LITAF: variants seen among roughly 807,000 people sequenced by gnomAD.
The protein encoded by LITAF is lipopolysaccharide-induced tumor necrosis factor-alpha factor.
LITAF carries 9 observed loss-of-function variants against 14.5 expected under a neutral mutation model. The observed-to-expected ratio is 0.62, with a 90% CI of 0.37 to 1.08. The LOEUF (loss-of-function observed/expected upper bound fraction) is 1.08, where lower values mean the gene tolerates loss of function less well. Ranked by LOEUF, LITAF falls within the 50% of genes least tolerant of loss-of-function variation. The pLI is 0.01. For synonymous variants in LITAF, 98 were observed against 88.2 expected (o/e 1.11, Z -0.62); for missense variants, 206 against 213.4 (o/e 0.97, Z 0.22).
rs760141560 is a variant in LITAF, at chr16:11,549,606, G to T, written c.*31C>A. On this transcript the variant is annotated 3_prime_UTR_variant, in exon 4 of 4. Transcript: ENST00000622633. The surrounding 1 kb of genome is among the most constrained non-coding windows in gnomAD (Gnocchi z 4.6). ...TGAGAGGTGGAAAGGACTTCCTGCG[G>T]CACCCGGCTCCCTCCACGTCTGGCT... 1.3e-6 allele frequency: 2 copies of T among 1,541,524 alleles called. No individual in the cohort carries two copies. The highest frequency in any genetic ancestry group is 1.4e-5 in the African/African-American group (1 of 73,490).
intron 3 of LITAF, among the ~76,000 whole-genome samples, chr16:11,612,143 A>G (rs2064986151): frequency 6.6e-6 from 1 of 152,322 alleles, no homozygotes; most frequent in East Asian, 1.9e-4. Flanking sequence ...GGGTGGAAAC[A>G]GGGTCTCAAA....
intron 3 of LITAF, among the ~76,000 whole-genome samples, chr16:11,625,351 C>G (rs1306697954): frequency 6.6e-6 from 1 of 151,884 alleles, no homozygotes; most frequent in Non-Finnish European, 1.5e-5. Context: ...CAGCCTCTGC[C>G]TCCTAGGCTT....
chr16:11,549,547 C>T lies in LITAF; in HGVS notation c.*90G>A, dbSNP rs1375321880. 2 of 979,944 alleles carry T rather than the reference C, an allele frequency of 2.0e-6. No individual in the cohort carries two copies. Among genetic ancestry groups the T allele is most frequent in the Non-Finnish European group, 1.6e-6 (1 of 626,378 alleles). The allele number at this position is 979,944 out of a possible 1,614,324, so 60.7% of individuals were successfully genotyped here. ...TGGGCCCCCTGGAGAGGTGAGACCA[C>T]CAGGGCAGAACCTCCACCAGGCGTG... On this transcript the variant is annotated 3_prime_UTR_variant, in exon 4 of 4. Coordinates refer to ENST00000622633, the MANE Select transcript of LITAF (RefSeq NM_001136472.2). The surrounding 1 kb of genome is among the most constrained non-coding windows in gnomAD (Gnocchi z 4.6).
chr16:11,548,178 T>G lies in LITAF; in HGVS notation c.*1459A>C, dbSNP rs1385035956. 2 of 454,124 alleles carry G rather than the reference T, an allele frequency of 4.4e-6. No homozygotes were observed. Among genetic ancestry groups the G allele is most frequent in the East Asian group, 1.4e-4 (2 of 14,404 alleles). 28.1% of individuals were successfully genotyped at this position (454,124 alleles called of 1,614,324 possible). On this transcript the variant is annotated 3_prime_UTR_variant, in exon 4 of 4. Transcript: ENST00000622633. ...ACAGATGTTCGCTCAAGGTCTAGGT[T>G]TTATTTCTACATAGTAGTATTCACA...
upstream of LITAF, among the ~76,000 whole-genome samples, chr16:11,638,188 C>T (rs2065150948): frequency 6.8e-6 from 1 of 147,050 alleles, no homozygotes; most frequent in Non-Finnish European, 1.5e-5. Context: ...AACCTGAGTA[C>T]ATCACATCAC....
chr16:11,608,696 C>T (rs1300282635), intron 3 of LITAF, among the ~76,000 whole-genome samples: 4 of 152,200 alleles, frequency 2.6e-5, no homozygotes, highest in African/African-American at 9.7e-5. Context: ...GGCGCAGTGG[C>T]TCATGCCTAT....
At position 11,556,752 on chromosome 16, in the gene LITAF, A is replaced by C. The variant is rs781052514; in HGVS notation, c.-5-17T>G. 1.1e-5 allele frequency: 17 copies of C among 1,596,786 alleles called. No homozygotes were observed. In the East Asian group the frequency reaches 2.9e-4, roughly 27 times the overall value. ...ACATTTTACCTAAAACAGAAACAGAACATACCAGATAAGAAATTCAGTTGA... is the reference window on the plus strand; with the variant it reads ...ACATTTTACCTAAAACAGAAACAGACCATACCAGATAAGAAATTCAGTTGA... On this transcript the variant is annotated splice_polypyrimidine_tract_variant and intron_variant, in intron 1 of 3. Transcript: ENST00000622633.
upstream of LITAF, among the ~76,000 whole-genome samples, chr16:11,600,850 C>A (rs576776393): frequency 1.3e-5 from 2 of 152,170 alleles, no homozygotes; most frequent in Non-Finnish European, 2.9e-5. The surrounding 1 kb of genome is among the most constrained non-coding windows in gnomAD (Gnocchi z 4.1). Flanking sequence ...CCACCCTCCT[C>A]CTCCAATGTC....
At chr16:11,625,301 C>T (rs2065077282) in intron 3 of LITAF, among the ~76,000 whole-genome samples, 1 of 148,408 alleles carries the variant, frequency 6.7e-6, no homozygotes, top group Non-Finnish European at 1.5e-5. Context: ...CTCGCTCTGT[C>T]ACCCAGGCTG....
rs889771169 is a variant in LITAF at position 11,632,485 on chromosome 16, C to T, written c.85+1048G>A. 3.9e-5 allele frequency among the ~76,000 whole-genome samples: 6 copies of T among 152,334 alleles called. No individual in the cohort carries two copies. The highest frequency in any genetic ancestry group is 1.4e-4 in the African/African-American group (6 of 41,584). On this transcript the variant is annotated intron_variant, in intron 3 of 3. Coordinates refer to the LITAF transcript ENST00000574848. The surrounding 1 kb of genome is among the most constrained non-coding windows in gnomAD (Gnocchi z 4.8). ...CAAAGGAGGAAGCAACCCAGGGAAG[C>T]TCCCGCAGGTCCCAGCTCAGAACTA...
chr16:11,633,452 G>T (rs1176702257), intron 3 of LITAF: 3 of 152,202 alleles, frequency 2.0e-5, no homozygotes, highest in African/African-American at 7.2e-5. Flanking sequence ...CACGGGATGA[G>T]ATAAAAGGTC....
In LITAF at chr16:11,554,000, G is replaced by A. The variant is rs1353592874; in HGVS notation, c.221-311C>T. Among the ~76,000 whole-genome samples, 1 of 152,174 alleles carries A rather than the reference G, an allele frequency of 6.6e-6. No homozygotes were observed. On this transcript the variant is annotated intron_variant, in intron 2 of 3. Coordinates refer to ENST00000622633, the MANE Select transcript of LITAF (RefSeq NM_001136472.2). This position sits in a 1 kb window ranked among gnomAD's most constrained non-coding sequence, Gnocchi z 7.7. ...AATCCCAACACTTTGGGAGGCCGAG[G>A]TGGGAGGACTGCTTGAGCCTAGGAG...
rs1441715962 is a variant in LITAF, at chr16:11,614,519, C to T, written c.85+19014G>A. Among the ~76,000 whole-genome samples, 4 of 152,020 alleles carry T rather than the reference C, an allele frequency of 2.6e-5. No homozygotes were observed. In the East Asian group the frequency reaches 7.7e-4, roughly 29 times the overall value. Reference sequence around the variant, plus strand: ...TTCACCATGTTGGCCAGGCTGGTCTCGAACTCCTGACCTCAAGTGACCTGC... The same window carrying T: ...TTCACCATGTTGGCCAGGCTGGTCTTGAACTCCTGACCTCAAGTGACCTGC... On this transcript the variant is annotated intron_variant, in intron 3 of 3. Coordinates refer to the LITAF transcript ENST00000574848.
chr16:11,610,398 G>A (rs1031325150), intron 3 of LITAF, among the ~76,000 whole-genome samples: 2 of 141,278 alleles, frequency 1.4e-5, no homozygotes, highest in East Asian at 2.1e-4. Flanking sequence ...AGGACGTGGC[G>A]GTCGGGCAGG....
chr16:11,624,897 A>T (rs2065074347), intron 3 of LITAF, among the ~76,000 whole-genome samples: 1 of 152,022 alleles, frequency 6.6e-6, no homozygotes, highest in Non-Finnish European at 1.5e-5. Context: ...CTTAGTTTCC[A>T]CTCTGACCCT....
intron 3 of LITAF, among the ~76,000 whole-genome samples, chr16:11,625,314 A>G (rs113750852): frequency 3.2e-3 from 484 of 151,460 alleles, no homozygotes; most frequent in Non-Finnish European, 5.8e-3. Flanking sequence ...CCAGGCTGGA[A>G]TGCAGTAGTG....
chr16:11,611,758 G>C (rs111230108), intron 3 of LITAF, among the ~76,000 whole-genome samples: 21,279 of 151,748 alleles, frequency 0.14, 1,876 homozygotes, highest in Non-Finnish European at 0.21. Context: ...CACCTCTCGG[G>C]TTCAAGTGAT....
intron 1 of LITAF, among the ~76,000 whole-genome samples, chr16:11,596,610 G>A (rs1207706931): frequency 2.7e-4 from 1 of 3,772 alleles, no homozygotes; most frequent in Admixed American, 2.8e-3. Context: ...GAGGAAAGGA[G>A]GAAGGGGAGA....
chr16:11,615,763 G>A (rs2065015751), intron 3 of LITAF, among the ~76,000 whole-genome samples: 1 of 152,186 alleles, frequency 6.6e-6, no homozygotes, highest in Non-Finnish European at 1.5e-5. Context: ...TTTGTTCCCT[G>A]TCACTGGTTC....
Sources: allele counts gnomAD v4.1 joint callset (sites outside exome capture counted in the v4.1 genomes callset), GRCh38; gene constraint gnomAD v4.1.1; non-coding constraint Gnocchi (gnomAD v3.1); transcripts MANE v1.5; gene names NCBI Gene and HGNC (gene_info 2026-07-23, HGNC 2026-07-21).